PTPRQ: variants seen among roughly 807,000 people sequenced by gnomAD.
PTPRQ encodes the protein protein tyrosine phosphatase receptor type Q.
In PTPRQ, 199 loss-of-function variants were observed where a neutral mutation model predicts 246.0. That is an observed-to-expected ratio of 0.81 (90% confidence interval 0.72 to 0.91). PTPRQ has a LOEUF of 0.91. Among genes scored for constraint, PTPRQ ranks in the 40% least tolerant of loss-of-function variants. The pLI is 0.00. For synonymous variants in PTPRQ, 869 were observed against 853.2 expected (o/e 1.02, Z -0.32); for missense variants, 2,624 against 2,528.4 (o/e 1.04, Z -0.81).
intron 8 of PTPRQ, among the ~76,000 whole-genome samples, chr12:80,478,995 G>A (rs1893928916): frequency 1.3e-5 from 2 of 151,856 alleles, no homozygotes. Context: ...AGCAAGGCAG[G>A]CCAACGTTCA....
chr12:80,652,744 G>T lies in PTPRQ; in HGVS notation c.6025G>T (p.Glu2009Ter). The change falls in exon 38 of 45, where the codon GAA becomes TAA. Residue 2009 changes from glutamate to a stop codon, truncating the protein, a stop_gained and splice_region_variant. Coordinates refer to ENST00000644991, the MANE Select transcript of PTPRQ (RefSeq NM_001145026.2). LOFTEE classifies it high-confidence loss of function. ...NNLKFQEEFSELPKFLQDLSS... is the reference protein window; with the variant it reads ...NNLKFQEEFS The stretch of plus-strand genomic sequence containing the variant: ...ACTTTGTAATGACTTTATTTTACAG[G>T]AATTACCAAAATTTCTTCAGGATCT... 6.7e-7 allele frequency: 1 copy of T among 1,490,880 alleles called. No individual in the cohort carries two copies. The highest frequency in any genetic ancestry group is 2.5e-5 in the Admixed American group (1 of 40,072). The allele number at this position is 1,490,880 out of a possible 1,614,324, so 92.4% of individuals were successfully genotyped here.
At chr12:80,546,407 A>G in intron 23 of PTPRQ, 149 bp from the exon 24 acceptor site, 1 of 826,666 alleles carries the variant, frequency 1.2e-6, no homozygotes, top group South Asian at 2.1e-5. Context: ...CACAAAATAA[A>G]TGCTAATATT....
In PTPRQ at chr12:80,565,008, A is replaced by G. The variant is rs545368850; in HGVS notation, c.4285+15274A>G. ...AAAATTCAAAAAAAACTAAATTTCT[A>G]TGATCAAATCCATGCTTAGTCTATA... On this transcript the variant is annotated intron_variant, in intron 25 of 44. Transcript: ENST00000644991. Among the ~76,000 whole-genome samples the G allele has an allele frequency of 7.3e-4, 111 of 152,328 alleles. 1 individual carries two copies. The South Asian group carries it at 0.021, about 28-fold the overall frequency.
chr12:80,632,349 G>C (rs1366469847), intron 34 of PTPRQ, 58 bp downstream of exon 34: 2 of 1,541,996 alleles, frequency 1.3e-6, no homozygotes, highest in Non-Finnish European at 1.7e-6. Context: ...ATCAGTCATA[G>C]TCCAATCAGG....
intron 8 of PTPRQ, among the ~76,000 whole-genome samples, chr12:80,477,681 G>A (rs538050163): frequency 3.3e-5 from 5 of 152,150 alleles, no homozygotes; most frequent in African/African-American, 9.7e-5. Flanking sequence ...CACCGTGTGC[G>A]AGCCGAAGCA....
At chr12:80,562,454 A>T (rs570608239) in intron 25 of PTPRQ, among the ~76,000 whole-genome samples, 6 of 152,190 alleles carry the variant, frequency 3.9e-5, no homozygotes, top group African/African-American at 1.4e-4. Flanking sequence ...TGCTCTCAGG[A>T]TGCAAAGTTT....
At chr12:80,493,649 C>A (rs949757435) in intron 10 of PTPRQ, among the ~76,000 whole-genome samples, 194 bp downstream of exon 10, 2 of 151,918 alleles carry the variant, frequency 1.3e-5, no homozygotes, top group Non-Finnish European at 2.9e-5. Context: ...CCCTCCTAAC[C>A]CATTTGACCT....
intron 42 of PTPRQ, among the ~76,000 whole-genome samples, chr12:80,671,110 T>G (rs1174006380): frequency 1.3e-5 from 2 of 152,058 alleles, no homozygotes; most frequent in Admixed American, 1.3e-4. Flanking sequence ...AAACTTTTAT[T>G]TTAAAAAACT....
intron 39 of PTPRQ, among the ~76,000 whole-genome samples, chr12:80,663,252 C>A (rs912883222): frequency 3.3e-5 from 5 of 151,570 alleles, no homozygotes; most frequent in Non-Finnish European, 5.9e-5. Context: ...TAGGAATAAT[C>A]CCAATTATTT....
rs1297386525 is a variant in PTPRQ at position 80,480,060 on chromosome 12, G to C, written c.1187-4373G>C. 4.2e-4 allele frequency among the ~76,000 whole-genome samples: 63 copies of C among 151,220 alleles called. No individual in the cohort carries two copies. The East Asian group carries it at 5.8e-3, about 14-fold the overall frequency. On this transcript the variant is annotated intron_variant, in intron 8 of 44. Coordinates refer to ENST00000644991, the MANE Select transcript of PTPRQ (RefSeq NM_001145026.2). ...TACAGAACTCTCCACCCCAAATCAA[G>C]AGAATATACATTTTTTTCAGCACCA...
chr12:80,570,775 AG>A (rs1485149458), intron 25 of PTPRQ, among the ~76,000 whole-genome samples: 12 of 152,148 alleles, frequency 7.9e-5, no homozygotes, highest in Non-Finnish European at 1.8e-4. Flanking sequence ...GGTGTAAGGA[AG>A]GGGTCCAGTT....
intron 8 of PTPRQ, 147 bp from the exon 9 acceptor site, chr12:80,484,286 C>T: frequency 9.9e-7 from 1 of 1,013,010 alleles, no homozygotes; most frequent in South Asian, 1.8e-5. Flanking sequence ...GGATTACAGC[C>T]ATGAGCCACC....
intron 3 of PTPRQ, among the ~76,000 whole-genome samples, chr12:80,455,341 TA>T (rs989034222): frequency 2.4e-4 from 36 of 152,346 alleles, no homozygotes; most frequent in African/African-American, 8.2e-4. Context: ...AAATCAAGTT[TA>T]AATTAAATAA....
intron 9 of PTPRQ, among the ~76,000 whole-genome samples, chr12:80,486,236 C>A (rs1282897796): frequency 1.3e-5 from 2 of 152,136 alleles, no homozygotes; most frequent in Non-Finnish European, 2.9e-5. Context: ...ATAATTGTGA[C>A]CTATTGTGAT....
intron 16 of PTPRQ, among the ~76,000 whole-genome samples, chr12:80,508,013 A>G (rs1250781347): frequency 6.6e-6 from 1 of 152,012 alleles, no homozygotes; most frequent in Admixed American, 6.6e-5. Flanking sequence ...ATATGATGGA[A>G]TGAGACCAGT....
Position 80,508,893 on chromosome 12 carries a change from G to A in PTPRQ, c.2558-1430G>A, listed in dbSNP as rs574156475. On this transcript the variant is annotated intron_variant, in intron 16 of 44. Coordinates refer to ENST00000644991, the MANE Select transcript of PTPRQ (RefSeq NM_001145026.2). The stretch of plus-strand genomic sequence containing the variant: ...TGGTATTCCACATAAGCATCTTAAA[G>A]CATATTATAGAGTAGAAATGGTTAG... Among the ~76,000 whole-genome samples the A allele has an allele frequency of 3.9e-5, 6 of 152,090 alleles. No homozygotes were observed. The South Asian group carries it at 1.2e-3, about 32-fold the overall frequency.
chr12:80,498,547 G>A (rs1894699117), intron 14 of PTPRQ, among the ~76,000 whole-genome samples: 1 of 152,060 alleles, frequency 6.6e-6, no homozygotes. Flanking sequence ...AAAGTGATGA[G>A]CTGGAATTAG....
intron 9 of PTPRQ, among the ~76,000 whole-genome samples, chr12:80,490,909 C>T (rs1012468608): frequency 6.6e-6 from 1 of 151,924 alleles, no homozygotes; most frequent in South Asian, 2.1e-4. Context: ...TAACTATCAT[C>T]TAACCTAATG....
intron 17 of PTPRQ, among the ~76,000 whole-genome samples, chr12:80,522,636 T>A (rs1320627775): frequency 1.3e-5 from 2 of 152,186 alleles, no homozygotes; most frequent in African/African-American, 4.8e-5. Flanking sequence ...GGTTTTTGTC[T>A]TTGGTTCTGT....
Sources: gnomAD v4.1 joint callset for allele counts (sites outside exome capture counted in the v4.1 genomes callset) on GRCh38, gnomAD v4.1.1 for gene constraint, MANE v1.5 for transcripts, NCBI Gene and HGNC (gene_info 2026-07-23, HGNC 2026-07-21) for gene names.